SH3TC2: variants seen among roughly 807,000 people sequenced by gnomAD.
SH3TC2 encodes SH3 domain and tetratricopeptide repeats 2.
In SH3TC2, 87 loss-of-function variants were observed where a neutral mutation model predicts 124.5. That is an observed-to-expected ratio of 0.70 (90% confidence interval 0.59 to 0.84). SH3TC2 has a LOEUF of 0.84. Ranked by LOEUF, SH3TC2 falls within the 40% of genes least tolerant of loss-of-function variation. The pLI is 0.00. For synonymous variants in SH3TC2, 634 were observed against 628.5 expected, an observed-to-expected ratio of 1.01 and a Z score of -0.13; for missense variants, 1,536 against 1,566.4, an observed-to-expected ratio of 0.98 and a Z score of 0.33.
intron 10 of SH3TC2, 24 bp from the exon 11 acceptor site, chr5:149,028,578 C>A (rs1754125411): frequency 6.2e-7 from 1 of 1,614,172 alleles, no homozygotes; most frequent in East Asian, 2.2e-5. Flanking sequence ...CAAAGTTGAG[C>A]AACCTTGGGC....
rs555945387 is a variant in SH3TC2 at position 149,001,236 on chromosome 5, A to C, written c.*3475T>G. ...AGGCATCTTAAAATAATGGAAAAGC[A>C]AATAAGAAAAGGACAAAAGCAATAT... On this transcript the variant is annotated 3_prime_UTR_variant, in exon 17 of 17. Coordinates refer to ENST00000515425, the MANE Select transcript of SH3TC2 (RefSeq NM_024577.4). The C allele has an allele frequency of 2.0e-5, 3 of 152,356 alleles. No individual in the cohort carries two copies. In the South Asian group the frequency reaches 6.2e-4, roughly 32 times the overall value. 9.4% of individuals were successfully genotyped at this position (152,356 alleles called of 1,614,324 possible).
Position 149,007,024 on chromosome 5 carries a change from A to T in SH3TC2, c.3532T>A (p.Ser1178Thr). The stretch of plus-strand genomic sequence containing the variant: ...TCAGCCATCTCATACATGTGCAGGG[A>T]GTAGTACACTGTAGCCAGGCGGTGA... ...AFHRLATVYYSLHMYEMAEDC... is the reference protein window; with the variant it reads ...AFHRLATVYYTLHMYEMAEDC... The change falls in exon 16 of 17, where the codon TCC becomes ACC. Residue 1178 changes from serine (S) to threonine (T), a missense_variant. Ser to Thr is a moderately conservative substitution (Grantham distance 58). Coordinates refer to ENST00000515425, the MANE Select transcript of SH3TC2 (RefSeq NM_024577.4). 1 of 1,614,194 alleles carries T rather than the reference A, an allele frequency of 6.2e-7. No individual in the cohort carries two copies. Among genetic ancestry groups the T allele is most frequent in the East Asian group, 2.2e-5 (1 of 44,878 alleles).
chr5:149,042,601 G>T, intron 5 of SH3TC2, 93 bp downstream of exon 5: 1 of 1,503,872 alleles, frequency 6.6e-7, no homozygotes, highest in South Asian at 1.1e-5. Flanking sequence ...ATGTTTGAAT[G>T]ATTTTTCCCT....
At position 148,984,560 on chromosome 5, in the gene SH3TC2, C is replaced by G; in HGVS notation, c.*20151G>C. Among the ~76,000 whole-genome samples the G allele has an allele frequency of 6.6e-6, 1 of 152,032 alleles. No homozygotes were observed. Among genetic ancestry groups the G allele is most frequent in the East Asian group, 1.9e-4 (1 of 5,176 alleles). ...AAAATTGAGCATTCCTTGACTAAGT[C>G]GAAACCCCTGACTCAGTCTTCTGCC... On this transcript the variant is annotated 3_prime_UTR_variant, in exon 17 of 17. Transcript: ENST00000515425.
Position 148,996,641 on chromosome 5 carries a change from A to G in SH3TC2, c.*8070T>C, listed in dbSNP as rs889087374. ...GCTTGCTGTCTGGTACAATGTTCAA[A>G]GAATTCAGGGGCATTCCTATGAATG... On this transcript the variant is annotated 3_prime_UTR_variant, in exon 17 of 17. Transcript: ENST00000515425. 4.6e-5 allele frequency among the ~76,000 whole-genome samples: 7 copies of G among 152,226 alleles called. No homozygotes were observed. The highest frequency in any genetic ancestry group is 1.4e-4 in the African/African-American group (6 of 41,450).
chr5:149,052,323 A>G (rs1417613178), intron 1 of SH3TC2, 83 bp from the exon 2 acceptor site: 1 of 1,075,094 alleles, frequency 9.3e-7, no homozygotes, highest in African/African-American at 1.6e-5. Flanking sequence ...GTTTTGGTCA[A>G]GTGACAAATT....
rs191600511 is a variant in SH3TC2 at position 148,988,542 on chromosome 5, C to T, written c.*16169G>A. On this transcript the variant is annotated 3_prime_UTR_variant, in exon 17 of 17. Transcript: ENST00000515425. ...TGGAACCAGCCACCATGCTGTAAGA[C>T]GGCCAAGCCACATGGAGTCGACATG... Among the ~76,000 whole-genome samples the T allele has an allele frequency of 4.0e-3, 602 of 152,296 alleles. 1 individual carries two copies. The highest frequency in any genetic ancestry group is 8.2e-3 in the Admixed American group (126 of 15,300).
Position 149,027,431 on chromosome 5 carries a change from G to A in SH3TC2, c.2301C>T (p.Tyr767=). 2 of 1,614,166 alleles carry A rather than the reference G, an allele frequency of 1.2e-6. No individual in the cohort carries two copies. Among genetic ancestry groups the A allele is most frequent in the South Asian group, 1.1e-5 (1 of 91,080 alleles). Residue 767 remains tyrosine, a synonymous_variant, in exon 11 of 17, where the codon TAC becomes TAT. Transcript: ENST00000515425. ...CACCGTCAGGAGACCTGTGCTCGAG[G>A]TACACTTTGGAAAGGATGAGACACA... ...RALCLILSKV[Y]LEHRSPDGAI...
At chr5:149,028,628 A>G (rs1754126903) in intron 10 of SH3TC2, 49 bp downstream of exon 10, 6 of 1,614,162 alleles carry the variant, frequency 3.7e-6, no homozygotes, top group Non-Finnish European at 5.1e-6. Flanking sequence ...AGAGGACAGA[A>G]GTGCTGTCCT....
chr5:149,055,244 A>T (rs1322655441), intron 1 of SH3TC2, among the ~76,000 whole-genome samples: 3 of 152,202 alleles, frequency 2.0e-5, no homozygotes, highest in Admixed American at 6.5e-5. Context: ...CAAGTGACAG[A>T]GTACAAGAAA....
chr5:149,041,673 G>A lies in SH3TC2; in HGVS notation c.530-56C>T. The A allele has an allele frequency of 3.2e-6, 5 of 1,569,232 alleles. No individual in the cohort carries two copies. The South Asian group carries it at 4.5e-5, about 14-fold the overall frequency. On this transcript the variant is annotated intron_variant, in intron 5 of 16. Transcript: ENST00000515425. ...TAAGGAGTAGCAGGAAGTGAAAACGGATTATCACACAAAGTAATGCTTCTA... is the reference window on the plus strand; with the variant it reads ...TAAGGAGTAGCAGGAAGTGAAAACGAATTATCACACAAAGTAATGCTTCTA...
At position 149,031,569 on chromosome 5, in the gene SH3TC2, A is replaced by T. The variant is rs1184660817; in HGVS notation, c.1120T>A (p.Ser374Thr). The T allele has an allele frequency of 2.5e-6, 4 of 1,614,142 alleles. No homozygotes were observed. Among genetic ancestry groups the T allele is most frequent in the Non-Finnish European group, 3.4e-6 (4 of 1,180,026 alleles). ...LHTLARTDIT[S>T]VYRLSGFESI... Reference sequence around the variant, plus strand: ...CAACACTCACTGAGCCGGTAGACAGATGTGATGTCAGTGCGAGCAAGAGTG... The same window carrying T: ...CAACACTCACTGAGCCGGTAGACAGTTGTGATGTCAGTGCGAGCAAGAGTG... The change falls in exon 9 of 17, where the codon TCT becomes ACT. Residue 374 changes from serine to threonine, a missense_variant. Ser to Thr is a moderately conservative substitution (Grantham distance 58, BLOSUM62 1). Coordinates refer to ENST00000515425, the MANE Select transcript of SH3TC2 (RefSeq NM_024577.4).
At chr5:149,026,490 G>C (rs1754064966) in intron 12 of SH3TC2, 82 bp downstream of exon 12, 1 of 1,555,784 alleles carries the variant, frequency 6.4e-7, no homozygotes, top group Non-Finnish European at 8.9e-7. Context: ...TGTACATTTG[G>C]ACTTGCTTCC....
rs557486021 is a variant in SH3TC2 at position 148,990,033 on chromosome 5, C to T, written c.*14678G>A. On this transcript the variant is annotated 3_prime_UTR_variant, in exon 17 of 17. Transcript: ENST00000515425. ...GAGTCATTTCCAAGCAACCTCTCCTCTCACTCAAAATATAGCTCCCTTAAG... is the reference window on the plus strand; with the variant it reads ...GAGTCATTTCCAAGCAACCTCTCCTTTCACTCAAAATATAGCTCCCTTAAG... 4.6e-5 allele frequency among the ~76,000 whole-genome samples: 7 copies of T among 152,212 alleles called. No individual in the cohort carries two copies. The South Asian group carries it at 1.5e-3, about 32-fold the overall frequency.
chr5:149,046,754 G>A (rs1754470584), intron 3 of SH3TC2: 2 of 152,038 alleles, frequency 1.3e-5, no homozygotes. Flanking sequence ...CATACCAAAT[G>A]AGACTCAAAA....
intron 15 of SH3TC2, chr5:149,008,049 A>G (rs1036190): frequency 0.41 from 62,096 of 152,338 alleles, 12,904 homozygotes; most frequent in South Asian, 0.47. Context: ...GCAATAAGGA[A>G]AAAGGTAGGG....
At chr5:149,010,132 G>T in intron 14 of SH3TC2, 138 bp downstream of exon 14, 2 of 1,151,422 alleles carry the variant, frequency 1.7e-6, no homozygotes, top group Non-Finnish European at 2.6e-6. Flanking sequence ...AGAGTGAGTA[G>T]GTGGGCACTG....
rs1753438421 is a variant in SH3TC2 at position 148,992,619 on chromosome 5, T to TTTTC, written c.*12088_*12091dup. ...TCATTGGTTTTTTTTTTTTTTTTTT[T>TTTTC]TTTCAGATTTTCGAAGGGGTCTATG... On this transcript the variant is annotated 3_prime_UTR_variant, in exon 17 of 17. Coordinates refer to ENST00000515425, the MANE Select transcript of SH3TC2 (RefSeq NM_024577.4). 7.0e-6 allele frequency among the ~76,000 whole-genome samples: 1 copy of TTTTC among 142,696 alleles called. No homozygotes were observed. Among genetic ancestry groups the TTTTC allele is most frequent in the Non-Finnish European group, 1.5e-5 (1 of 65,302 alleles). The allele number at this position is 142,696 out of a possible 152,430, so 93.6% of individuals were successfully genotyped here. A position where few individuals can be genotyped will look rare whatever the true frequency, so the allele number is the denominator to read the frequency against.
At chr5:149,051,900 A>C (rs1325075069) in intron 2 of SH3TC2, among the ~76,000 whole-genome samples, 1 of 152,234 alleles carries the variant, frequency 6.6e-6, no homozygotes, top group Non-Finnish European at 1.5e-5. Flanking sequence ...CAACAAAGCA[A>C]ATAAGTATGG....
Sources: allele counts gnomAD v4.1 joint callset (sites outside exome capture counted in the v4.1 genomes callset), GRCh38; gene constraint gnomAD v4.1.1; transcripts MANE v1.5; gene names NCBI Gene and HGNC (gene_info 2026-07-23, HGNC 2026-07-21).